Variants in CSMD2 observed in about 807,000 individuals in gnomAD.
CSMD2 encodes the protein CUB and Sushi multiple domains 2, also known as CUB and sushi domain-containing protein 2.
A neutral mutation model predicts 398.5 loss-of-function variants in CSMD2; 130 were observed. That is an observed-to-expected ratio of 0.33 (90% CI 0.28 to 0.38). The LOEUF is 0.38. Among genes scored for constraint, CSMD2 ranks in the 10% least tolerant of loss-of-function variants. The pLI, the probability that CSMD2 is intolerant of heterozygous loss-of-function variation, is 1.00. For missense variants in CSMD2, 3,829 were observed against 4,764.9 expected (o/e 0.80, Z 5.78); for synonymous variants, 1,828 against 1,908.5 (o/e 0.96, Z 1.10).
intron 3 of CSMD2, among the ~76,000 whole-genome samples, chr1:34,007,540 T>C (rs1418495370): frequency 2.0e-5 from 3 of 152,194 alleles, no homozygotes. Flanking sequence ...TAAATCTCCC[T>C]GGAAAGCAAT....
chr1:33,931,818 A>T (rs770604946), intron 4 of CSMD2, among the ~76,000 whole-genome samples: 2 of 152,182 alleles, frequency 1.3e-5, no homozygotes, highest in Non-Finnish European at 2.9e-5. Context: ...GGACTGAGCC[A>T]CTCAGTTTTG....
chr1:33,904,974 C>T (rs1447029276), intron 5 of CSMD2, among the ~76,000 whole-genome samples: 7 of 151,416 alleles, frequency 4.6e-5, no homozygotes, highest in African/African-American at 1.2e-4. Flanking sequence ...TATATTTTTC[C>T]GTTTTTTTTT....
At chr1:34,147,125 G>A (rs1265374618) in intron 1 of CSMD2, among the ~76,000 whole-genome samples, 2 of 152,078 alleles carry the variant, frequency 1.3e-5, no homozygotes, top group Non-Finnish European at 2.9e-5. Context: ...GGGCATGGTG[G>A]CAGGCGCGTG....
chr1:33,897,909 A>G (rs1468737222), intron 5 of CSMD2, among the ~76,000 whole-genome samples: 1 of 152,170 alleles, frequency 6.6e-6, no homozygotes. Flanking sequence ...CATTTTGCAG[A>G]TGAGGAAACC....
intron 5 of CSMD2, among the ~76,000 whole-genome samples, chr1:33,879,849 G>A (rs906604392): frequency 2.6e-5 from 4 of 152,084 alleles, no homozygotes; most frequent in Middle Eastern, 3.2e-3. Flanking sequence ...GCAAATGAGA[G>A]AACAAATGAG....
At chr1:33,646,287 A>G (rs963979302) in intron 29 of CSMD2, among the ~76,000 whole-genome samples, 3 of 152,242 alleles carry the variant, frequency 2.0e-5, no homozygotes, top group African/African-American at 7.2e-5. Flanking sequence ...ATTGTGCCTC[A>G]TATCAGAATC....
intron 2 of CSMD2, among the ~76,000 whole-genome samples, chr1:34,059,547 G>C (rs1654227021): frequency 6.6e-6 from 1 of 152,102 alleles, no homozygotes; most frequent in African/African-American, 2.4e-5. Context: ...CTTACTAGAG[G>C]CTAAGTTTGG....
At chr1:33,894,332 C>T (rs1642239053) in intron 5 of CSMD2, among the ~76,000 whole-genome samples, 1 of 152,150 alleles carries the variant, frequency 6.6e-6, no homozygotes. Flanking sequence ...GGCCAGCTGA[C>T]TGCAAGCTCC....
At chr1:34,025,698 G>A (rs2148128736) in intron 3 of CSMD2, among the ~76,000 whole-genome samples, 1 of 152,264 alleles carries the variant, frequency 6.6e-6, no homozygotes, top group East Asian at 1.9e-4. Context: ...GATACAAAGA[G>A]AAGAGGCCAT....
intron 5 of CSMD2, among the ~76,000 whole-genome samples, chr1:33,880,858 C>T (rs1641188650): frequency 6.6e-6 from 1 of 152,210 alleles, no homozygotes; most frequent in Non-Finnish European, 1.5e-5. Context: ...TTTTCAGCAT[C>T]TCTGGGCTCA....
chr1:34,124,422 G>C (rs1490904403), intron 1 of CSMD2, among the ~76,000 whole-genome samples: 1 of 152,168 alleles, frequency 6.6e-6, no homozygotes, highest in East Asian at 1.9e-4. Context: ...TGGGAGACTG[G>C]ACAGATATGG....
chr1:34,081,667 G>A (rs1405844956), intron 2 of CSMD2, among the ~76,000 whole-genome samples: 2 of 152,200 alleles, frequency 1.3e-5, no homozygotes, highest in Admixed American at 6.5e-5. Context: ...TGATCTGCCC[G>A]CCTCGGCCTC....
intron 2 of CSMD2, among the ~76,000 whole-genome samples, chr1:34,084,285 A>C (rs1235114555): frequency 6.6e-6 from 1 of 152,200 alleles, no homozygotes; most frequent in Non-Finnish European, 1.5e-5. Context: ...AGGCCAGACC[A>C]GTCTCTGCTG....
chr1:33,545,755 T>C (rs944517968), intron 57 of CSMD2, among the ~76,000 whole-genome samples: 1 of 152,228 alleles, frequency 6.6e-6, no homozygotes, highest in Non-Finnish European at 1.5e-5. Flanking sequence ...ACTTGGCACA[T>C]AGATGCTGAA....
chr1:33,807,289 C>T (rs191566012), intron 10 of CSMD2, among the ~76,000 whole-genome samples: 72 of 152,264 alleles, frequency 4.7e-4, no homozygotes, highest in African/African-American at 1.6e-3. Context: ...AAAAATTACA[C>T]ATTAGGTTCT....
intron 64 of CSMD2, among the ~76,000 whole-genome samples, chr1:33,529,209 T>C (rs1376890098): frequency 4.6e-5 from 7 of 152,350 alleles, no homozygotes; most frequent in African/African-American, 1.7e-4. Flanking sequence ...GGTGTAATCA[T>C]AGCTCACTGT....
intron 12 of CSMD2, among the ~76,000 whole-genome samples, chr1:33,773,966 C>A (rs979913483): frequency 2.6e-5 from 4 of 152,162 alleles, no homozygotes; most frequent in African/African-American, 7.2e-5. Context: ...TCCTACCACA[C>A]TGGGGGCTTC....
At chr1:33,731,670 A>G (rs1477192944) in intron 15 of CSMD2, among the ~76,000 whole-genome samples, 2 of 152,214 alleles carry the variant, frequency 1.3e-5, no homozygotes, top group Non-Finnish European at 2.9e-5. Context: ...ACACCTATAG[A>G]TTAGAAAAGA....
At chr1:33,536,744 C>T (rs1205556828) in intron 62 of CSMD2, among the ~76,000 whole-genome samples, 2 of 152,224 alleles carry the variant, frequency 1.3e-5, no homozygotes, top group Non-Finnish European at 2.9e-5. Flanking sequence ...TCCGTATTTC[C>T]ACAACCACCC....
Sources: allele counts gnomAD v4.1 joint callset (sites outside exome capture counted in the v4.1 genomes callset), GRCh38; gene constraint gnomAD v4.1.1; transcripts MANE v1.5; gene names NCBI Gene and HGNC (gene_info 2026-07-23, HGNC 2026-07-21).